Variants in SHANK2 observed in about 807,000 individuals in gnomAD.
SHANK2 encodes the protein SH3 and multiple ankyrin repeat domains 2, also known as SH3 and multiple ankyrin repeat domains protein 2.
SHANK2 carries 43 observed loss-of-function variants against 133.7 expected under a neutral mutation model. The ratio of observed to expected loss-of-function variants is 0.32; its 90% confidence interval spans 0.25 to 0.41. The LOEUF is 0.41. Among genes scored for constraint, SHANK2 ranks in the 10% least tolerant of loss-of-function variants. SHANK2 has a pLI of 1.00. For missense variants in SHANK2, 1,994 were observed against 2,235.8 expected (o/e 0.89, Z 2.18); for synonymous variants, 1,017 against 952.8 (o/e 1.07, Z -1.24).
intron 10 of SHANK2, among the ~76,000 whole-genome samples, chr11:70,951,655 CT>C (rs1294048769): frequency 6.6e-6 from 1 of 152,014 alleles, no homozygotes; most frequent in African/African-American, 2.4e-5. Flanking sequence ...TTCATTTCCC[CT>C]GGCTGCTGTG....
Position 70,908,105 on chromosome 11 carries a change from GA to G in SHANK2, c.1108-11539del, listed in dbSNP as rs782334428. On this transcript the variant is annotated intron_variant, in intron 10 of 25. Transcript: ENST00000601538. Reference sequence around the variant, plus strand: ...AGTGAGAGTCCATCTCAAAAAAAAAGAAAAAAAAAATCTTAATAAACTGGGA... The same window carrying G: ...AGTGAGAGTCCATCTCAAAAAAAAAGAAAAAAAAATCTTAATAAACTGGGA... The G allele has an allele frequency of 2.2e-3, 525 of 240,684 alleles. 1 individual carries two copies. The highest frequency in any genetic ancestry group is 2.7e-3 in the Non-Finnish European group (321 of 117,982). The allele number at this position is 240,684 out of a possible 1,614,324, so 14.9% of individuals were successfully genotyped here.
chr11:70,776,406 G>A (rs530553764), intron 14 of SHANK2, among the ~76,000 whole-genome samples: 1 of 152,284 alleles, frequency 6.6e-6, no homozygotes, highest in South Asian at 2.1e-4. Context: ...GTTGGCTGAA[G>A]GTAACTGATA....
In SHANK2 at chr11:71,083,981, G is replaced by GT. The variant is rs1395099291; in HGVS notation, c.912+8440_912+8441insA. ...TAATTTGAATAACAACTTTTTTTTG[G>GT]GGGGGGGAGACAGAGTCTTGCTCTG... On this transcript the variant is annotated intron_variant, in intron 8 of 25. Coordinates refer to ENST00000601538, the MANE Select transcript of SHANK2 (RefSeq NM_012309.5). 1.9e-3 allele frequency among the ~76,000 whole-genome samples: 284 copies of GT among 149,794 alleles called. 4 individuals carry two copies. Among genetic ancestry groups the GT allele is most frequent in the African/African-American group, 6.4e-3 (262 of 40,698 alleles).
chr11:70,580,274 C>A (rs536351309), intron 17 of SHANK2, among the ~76,000 whole-genome samples: 5 of 145,986 alleles, frequency 3.4e-5, no homozygotes, highest in Admixed American at 6.6e-5. Context: ...CACAGCGCAG[C>A]CTTACTGGCT....
chr11:70,515,637 G>GAAAAAA (rs58440823), intron 17 of SHANK2, among the ~76,000 whole-genome samples: 14 of 79,948 alleles, frequency 1.8e-4, no homozygotes, highest in South Asian at 7.0e-4. Flanking sequence ...CTCGTTCCTT[G>GAAAAAA]AAAAAAAAAA....
chr11:71,074,526 C>T (rs1208597395), intron 9 of SHANK2, among the ~76,000 whole-genome samples: 2 of 152,096 alleles, frequency 1.3e-5, no homozygotes, highest in Admixed American at 1.3e-4. Flanking sequence ...CTGCAGTCCA[C>T]AATGTGTTGC....
chr11:70,591,568 A>C (rs1324048429), intron 17 of SHANK2, among the ~76,000 whole-genome samples: 2 of 150,464 alleles, frequency 1.3e-5, no homozygotes, highest in Non-Finnish European at 3.0e-5. Context: ...AAAAAAAAGC[A>C]ACATCATAGC....
chr11:70,544,252 A>G (rs1236360779), intron 17 of SHANK2, among the ~76,000 whole-genome samples: 1 of 151,962 alleles, frequency 6.6e-6, no homozygotes, highest in African/African-American at 2.4e-5. Context: ...CGGCCTGCCC[A>G]CTCTGTGCCT....
chr11:70,662,087 G>C (rs560624688), intron 15 of SHANK2: 28 of 464,172 alleles, frequency 6.0e-5, no homozygotes, highest in African/African-American at 5.5e-4. Flanking sequence ...TCGGGAATGA[G>C]CTCCTCCGGC....
intron 15 of SHANK2, among the ~76,000 whole-genome samples, chr11:70,685,415 G>A (rs781829498): frequency 5.9e-5 from 9 of 152,072 alleles, no homozygotes; most frequent in East Asian, 1.9e-4. Flanking sequence ...TTAGACCACC[G>A]AGCCAGCCTC....
chr11:70,636,867 CAT>C (rs1295111716), intron 17 of SHANK2, among the ~76,000 whole-genome samples: 4 of 151,936 alleles, frequency 2.6e-5, no homozygotes, highest in Admixed American at 6.6e-5. Context: ...CATGTGTGAA[CAT>C]GTGTGTGCAC....
At chr11:70,651,317 C>T (rs1011817365) in intron 17 of SHANK2, among the ~76,000 whole-genome samples, 3 of 152,172 alleles carry the variant, frequency 2.0e-5, no homozygotes, top group South Asian at 2.1e-4. Flanking sequence ...TTGCAGTTGC[C>T]GAGCTGCCCG....
intron 17 of SHANK2, among the ~76,000 whole-genome samples, chr11:70,509,286 C>A (rs1214955835): frequency 6.6e-6 from 1 of 152,268 alleles, no homozygotes; most frequent in East Asian, 1.9e-4. Context: ...GTTGCCCATG[C>A]AGTGGCACAG....
At chr11:70,648,682 C>A (rs181910483) in intron 17 of SHANK2, among the ~76,000 whole-genome samples, 1 of 152,130 alleles carries the variant, frequency 6.6e-6, no homozygotes, top group Non-Finnish European at 1.5e-5. Flanking sequence ...TGGCTTCTCA[C>A]GCTCTCTCTG....
At chr11:71,251,354 C>T (rs1948175313) in intron 1 of SHANK2, among the ~76,000 whole-genome samples, 1 of 152,164 alleles carries the variant, frequency 6.6e-6, no homozygotes, top group Non-Finnish European at 1.5e-5. Context: ...GCGGCGAGGT[C>T]CACCCCAGCC....
chr11:70,645,846 A>C (rs1313145947), intron 17 of SHANK2, among the ~76,000 whole-genome samples: 15 of 151,508 alleles, frequency 9.9e-5, no homozygotes, highest in African/African-American at 3.6e-4. Context: ...CAGGGCATAC[A>C]GTGTTCAAGA....
At chr11:70,782,105 C>A (rs1310928715) in intron 14 of SHANK2, among the ~76,000 whole-genome samples, 1 of 152,196 alleles carries the variant, frequency 6.6e-6, no homozygotes, top group African/African-American at 2.4e-5. Flanking sequence ...CGCTCTGTTG[C>A]CCAGGCTGGA....
chr11:70,874,951 T>A (rs1949533053), intron 11 of SHANK2, among the ~76,000 whole-genome samples: 1 of 152,226 alleles, frequency 6.6e-6, no homozygotes. Context: ...CACTCATGCC[T>A]GAGAACCACA....
rs576810349 is a variant in SHANK2 at position 71,153,419 on chromosome 11, G to A, written c.-12-6081C>T. Among the ~76,000 whole-genome samples, 136 of 152,286 alleles carry A rather than the reference G, an allele frequency of 8.9e-4. No homozygotes were observed. In the Middle Eastern group the frequency reaches 0.01, roughly 11 times the overall value. On this transcript the variant is annotated intron_variant, in intron 2 of 25. Coordinates refer to ENST00000601538, the MANE Select transcript of SHANK2 (RefSeq NM_012309.5). ...AGAAAAGAAAATCATCACAGTCAAA[G>A]CAAGTTCAACAAAAACAGCATTTTG...
Sources: gnomAD v4.1 joint callset for allele counts (sites outside exome capture counted in the v4.1 genomes callset) on GRCh38, gnomAD v4.1.1 for gene constraint, MANE v1.5 for transcripts, NCBI Gene and HGNC (gene_info 2026-07-23, HGNC 2026-07-21) for gene names.